The following GALK2 variants were observed in gnomAD, a reference collection of about 807,000 sequenced individuals.
The protein encoded by GALK2 is galactokinase 2.
In GALK2, 36 loss-of-function variants were observed where a neutral mutation model predicts 52.4. The ratio of observed to expected loss-of-function variants is 0.69; its 90% confidence interval spans 0.53 to 0.91. The LOEUF is 0.91. GALK2 is among the 40% of genes least tolerant of loss of function. GALK2 has a pLI of 0.00. For synonymous variants in GALK2, 176 were observed against 199.1 expected (o/e 0.88, Z 0.98); for missense variants, 579 against 559.1 (o/e 1.04, Z -0.36).
intron 3 of GALK2, chr15:49,366,069 T>C (rs2045131457): frequency 3.7e-6 from 3 of 821,588 alleles, no homozygotes; most frequent in Admixed American, 3.4e-5. Flanking sequence ...CTCATTTATC[T>C]ATCTTCAGTT....
chr15:49,183,103 C>G (rs1048082108), intron 1 of GALK2, among the ~76,000 whole-genome samples: 3 of 152,016 alleles, frequency 2.0e-5, no homozygotes, highest in African/African-American at 7.2e-5. Flanking sequence ...TTTTGTTTAT[C>G]TTTTCAAAAT....
chr15:49,241,787 C>T (rs1030087433), intron 5 of GALK2, among the ~76,000 whole-genome samples: 1 of 152,058 alleles, frequency 6.6e-6, no homozygotes, highest in Non-Finnish European at 1.5e-5. Context: ...TGATAATATA[C>T]CTATCTAAGA....
chr15:49,239,326 G>T lies in GALK2; in HGVS notation c.463G>T (p.Gly155Cys), dbSNP rs1467046349. ...SSSSALVCCA[G>C]LVTLTVLGRN... ...CTCCAGTGCTTTGGTCTGTTGTGCT[G>T]GCTTGGTGACGCTCACAGTGCTGGG... The change falls in exon 5 of 10, where the codon GGC becomes TGC. Residue 155 changes from glycine (G) to cysteine (C), a missense_variant. Coordinates refer to ENST00000560031, the MANE Select transcript of GALK2 (RefSeq NM_002044.4). 6.2e-7 allele frequency: 1 copy of T among 1,614,090 alleles called. No homozygotes were observed. The highest frequency in any genetic ancestry group is 1.7e-5 in the Admixed American group (1 of 60,016).
At position 49,197,392 on chromosome 15, in the gene GALK2, A is replaced by G. The variant is rs1382776430; in HGVS notation, c.54-3770A>G. 4.6e-5 allele frequency among the ~76,000 whole-genome samples: 7 copies of G among 152,122 alleles called. No homozygotes were observed. The South Asian group carries it at 1.0e-3, about 22-fold the overall frequency. ...TGTTTGATTTCAGTTCTGTCATATT[A>G]TTTTATACAGGTTGAGTATCCCTTA... is the stretch of plus-strand genomic sequence containing the variant. On this transcript the variant is annotated intron_variant, in intron 1 of 9. Coordinates refer to ENST00000560031, the MANE Select transcript of GALK2 (RefSeq NM_002044.4).
intron 1 of GALK2, chr15:49,170,627 G>A (rs1282617710): frequency 4.1e-6 from 2 of 490,594 alleles, no homozygotes; most frequent in Non-Finnish European, 3.7e-6. Context: ...TCCTTTTCTT[G>A]TTGTAATTAG....
At chr15:49,195,249 T>A (rs1229529092) in intron 1 of GALK2, 1 of 339,858 alleles carries the variant, frequency 2.9e-6, no homozygotes, top group African/African-American at 2.2e-5. Context: ...TTTTTTGTAT[T>A]TTTAGTAGAG....
chr15:49,299,776 TTTC>T (rs2034923154), intron 8 of GALK2, among the ~76,000 whole-genome samples: 1 of 130,688 alleles, frequency 7.7e-6, no homozygotes, highest in African/African-American at 2.9e-5. Context: ...TCTTTCTTTC[TTTC>T]TTTCTTTCTT....
intron 5 of GALK2, among the ~76,000 whole-genome samples, chr15:49,271,326 A>G (rs1383753644): frequency 2.0e-5 from 3 of 151,990 alleles, no homozygotes; most frequent in African/African-American, 7.3e-5. Context: ...TCCTCTTCCC[A>G]GTAGTAGTTA....
chr15:49,167,832 T>TA (rs2084872257), upstream of GALK2, among the ~76,000 whole-genome samples: 1 of 152,190 alleles, frequency 6.6e-6, no homozygotes, highest in South Asian at 2.1e-4. Context: ...ATAAGGAAGG[T>TA]AGTATAAGAA....
chr15:49,203,496 G>A (rs2087971678), intron 2 of GALK2, among the ~76,000 whole-genome samples: 1 of 152,140 alleles, frequency 6.6e-6, no homozygotes, highest in African/African-American at 2.4e-5. Context: ...TCTATTGGAA[G>A]GTTTCCTTTG....
intron 5 of GALK2, among the ~76,000 whole-genome samples, chr15:49,277,668 C>T (rs1022645655): frequency 2.0e-5 from 3 of 150,028 alleles, no homozygotes; most frequent in Admixed American, 6.6e-5. Flanking sequence ...TGTTGGCGGG[C>T]GCCTGTAGTC....
intron 1 of GALK2, among the ~76,000 whole-genome samples, chr15:49,162,275 T>G (rs1403961095): frequency 6.6e-6 from 1 of 152,236 alleles, no homozygotes; most frequent in Non-Finnish European, 1.5e-5. Context: ...TTTCACTTAG[T>G]ATAATTATGT....
intron 1 of GALK2, among the ~76,000 whole-genome samples, chr15:49,162,087 T>C (rs1042390305): frequency 6.6e-6 from 1 of 152,214 alleles, no homozygotes; most frequent in African/African-American, 2.4e-5. Context: ...CACAAGATAA[T>C]GAACATATTA....
chr15:49,313,423 C>T (rs565963268), intron 8 of GALK2, among the ~76,000 whole-genome samples: 15 of 152,326 alleles, frequency 9.8e-5, no homozygotes, highest in Non-Finnish European at 1.9e-4. Flanking sequence ...CACACTCTGC[C>T]TGTTCCCACC....
rs762032227 is a variant in GALK2, at chr15:49,255,029, C to T, written c.504+15662C>T. On this transcript the variant is annotated intron_variant, in intron 5 of 9. Coordinates refer to ENST00000560031, the MANE Select transcript of GALK2 (RefSeq NM_002044.4). ...TTCTGAGCCATTTGGGAATTAATTG[C>T]GGACATCACCTCTGAGTACATCAAT... Among the ~76,000 whole-genome samples the T allele has an allele frequency of 1.4e-5, 2 of 143,318 alleles. 1 individual carries two copies. Among genetic ancestry groups the T allele is most frequent in the Admixed American group, 1.4e-4 (2 of 14,150 alleles). The allele number at this position is 143,318 out of a possible 152,430, so 94.0% of individuals were successfully genotyped here. A position where few individuals can be genotyped will look rare whatever the true frequency, so the allele number is the denominator to read the frequency against.
chr15:49,289,786 A>G (rs1483441729), intron 7 of GALK2, among the ~76,000 whole-genome samples: 1 of 152,018 alleles, frequency 6.6e-6, no homozygotes, highest in Non-Finnish European at 1.5e-5. Flanking sequence ...TTCCCCTCAA[A>G]TTCTTACCCT....
At chr15:49,204,399 G>A (rs1294895773) in intron 2 of GALK2, among the ~76,000 whole-genome samples, 1 of 151,412 alleles carries the variant, frequency 6.6e-6, no homozygotes, top group East Asian at 1.9e-4. Context: ...GGTATCATAC[G>A]AGGAATTGCA....
intron 3 of GALK2, among the ~76,000 whole-genome samples, chr15:49,337,508 CTTTTTTTTT>C (rs33973907): frequency 8.3e-5 from 3 of 36,080 alleles, no homozygotes; most frequent in Admixed American, 6.6e-4. Flanking sequence ...CATTTACCCA[CTTTTTTTTT>C]TTTTTTTTTT....
Position 49,331,787 on chromosome 15 carries a change from T to C in GALK2, c.*3628T>C. ...TTCAGAAAGAAAACCTACCAGTTTA[T>C]GTAGGAACTTCTCAAAGTCCTGTTT... On this transcript the variant is annotated 3_prime_UTR_variant, in exon 10 of 10. Coordinates refer to ENST00000560031, the MANE Select transcript of GALK2 (RefSeq NM_002044.4). The C allele has an allele frequency of 6.3e-7, 1 of 1,595,080 alleles. No individual in the cohort carries two copies. The highest frequency in any genetic ancestry group is 8.6e-7 in the Non-Finnish European group (1 of 1,162,758).
Sources: gnomAD v4.1 joint callset for allele counts (sites outside exome capture counted in the v4.1 genomes callset) on GRCh38, gnomAD v4.1.1 for gene constraint, MANE v1.5 for transcripts, NCBI Gene and HGNC (gene_info 2026-07-23, HGNC 2026-07-21) for gene names.